MYO9A: variants seen among roughly 807,000 people sequenced by gnomAD.
The protein encoded by MYO9A is myosin IXA.
A neutral mutation model predicts 293.3 loss-of-function variants in MYO9A; 103 were observed. The ratio of observed to expected loss-of-function variants is 0.35; its 90% confidence interval spans 0.30 to 0.41. The LOEUF (loss-of-function observed/expected upper bound fraction) is 0.41. Among genes scored for constraint, MYO9A ranks in the 10% least tolerant of loss-of-function variants. The pLI, the probability that MYO9A is intolerant of heterozygous loss-of-function variation, is 1.00. For missense variants in MYO9A, 2,685 were observed against 3,033.0 expected (o/e 0.89, Z 2.69); for synonymous variants, 1,001 against 1,035.7 (o/e 0.97, Z 0.64).
At chr15:71,879,138 A>C (rs1452385531) in intron 30 of MYO9A, among the ~76,000 whole-genome samples, 1 of 152,220 alleles carries the variant, frequency 6.6e-6, no homozygotes, top group Non-Finnish European at 1.5e-5. Context: ...AAAGCCAATA[A>C]AATATGAATT....
chr15:71,913,804 C>T (rs1278173253), intron 19 of MYO9A, among the ~76,000 whole-genome samples: 1 of 152,168 alleles, frequency 6.6e-6, no homozygotes, highest in African/African-American at 2.4e-5. Context: ...AGGGCCAGAG[C>T]AGCCTTTACA....
chr15:72,034,348 T>C (rs1254515031), intron 2 of MYO9A, among the ~76,000 whole-genome samples: 1 of 152,226 alleles, frequency 6.6e-6, no homozygotes, highest in Admixed American at 6.5e-5. Flanking sequence ...TTATTATGCA[T>C]GCATTTACAT....
chr15:71,879,294 T>C (rs918792089), intron 30 of MYO9A, among the ~76,000 whole-genome samples: 1 of 152,216 alleles, frequency 6.6e-6, no homozygotes, highest in African/African-American at 2.4e-5. Flanking sequence ...AACTGATATG[T>C]AGAAATCAGT....
chr15:71,851,984 T>C (rs1321551921), intron 36 of MYO9A, 148 bp downstream of exon 36: 2 of 915,696 alleles, frequency 2.2e-6, no homozygotes, highest in Non-Finnish European at 3.0e-6. Flanking sequence ...GGTGACAGTA[T>C]ACTAGCCGTT....
At chr15:71,920,929 G>A (rs1375406259) in intron 18 of MYO9A, among the ~76,000 whole-genome samples, 5 of 152,192 alleles carry the variant, frequency 3.3e-5, no homozygotes, top group African/African-American at 7.2e-5. Context: ...GTGACAGAGT[G>A]AGACTTTGTC....
intron 7 of MYO9A, among the ~76,000 whole-genome samples, chr15:72,008,552 C>T (rs971853441): frequency 4.0e-5 from 6 of 150,658 alleles, no homozygotes; most frequent in Non-Finnish European, 7.4e-5. Flanking sequence ...TTAACCTCTA[C>T]TGTGAAACAA....
chr15:72,000,052 A>G (rs945443538), intron 8 of MYO9A, 112 bp from the exon 9 acceptor site: 1 of 762,246 alleles, frequency 1.3e-6, no homozygotes, highest in Non-Finnish European at 2.0e-6. Context: ...GCAATTACAT[A>G]GCAGAGAAAA....
chr15:71,902,694 G>A (rs1361605479), intron 22 of MYO9A, among the ~76,000 whole-genome samples: 1 of 152,138 alleles, frequency 6.6e-6, no homozygotes, highest in Non-Finnish European at 1.5e-5. Context: ...AAGCTGGCTT[G>A]GAGATTACAG....
intron 18 of MYO9A, among the ~76,000 whole-genome samples, chr15:71,924,598 A>G (rs974727068): frequency 1.2e-4 from 19 of 152,136 alleles, no homozygotes; most frequent in Admixed American, 7.9e-4. Flanking sequence ...AACACATGAC[A>G]TATCTTAAAG....
chr15:72,077,328 AAAGAC>A (rs1470990029), intron 1 of MYO9A, among the ~76,000 whole-genome samples: 1 of 152,238 alleles, frequency 6.6e-6, no homozygotes, highest in Non-Finnish European at 1.5e-5. Flanking sequence ...AAGAGAATGA[AAAGAC>A]AAGCCACAGA....
chr15:71,899,178 T>C (rs2143271145), intron 24 of MYO9A, 146 bp from the exon 25 acceptor site: 2 of 721,904 alleles, frequency 2.8e-6, no homozygotes, highest in Non-Finnish European at 4.4e-6. Context: ...TGAATGCACA[T>C]TTCATAATTT....
At chr15:71,933,608 G>T in intron 18 of MYO9A, 62 bp downstream of exon 18, 3 of 1,389,270 alleles carry the variant, frequency 2.2e-6, no homozygotes, top group Middle Eastern at 1.8e-4. Flanking sequence ...AAGATTGTAT[G>T]AGTAATAAAA....
intron 32 of MYO9A, among the ~76,000 whole-genome samples, chr15:71,871,886 G>C (rs1404454185): frequency 1.3e-5 from 2 of 151,558 alleles, no homozygotes; most frequent in Non-Finnish European, 2.9e-5. Flanking sequence ...AGGAATGTAT[G>C]TGTAATACAT....
At chr15:72,001,479 G>A (rs534832573) in intron 8 of MYO9A, among the ~76,000 whole-genome samples, 19 of 149,794 alleles carry the variant, frequency 1.3e-4, no homozygotes, top group East Asian at 7.9e-4. Flanking sequence ...ACTTGAAACC[G>A]GGAGGCAGAA....
At chr15:72,033,455 A>C (rs1348002671) in intron 2 of MYO9A, among the ~76,000 whole-genome samples, 1 of 152,228 alleles carries the variant, frequency 6.6e-6, no homozygotes, top group African/African-American at 2.4e-5. Context: ...CGTCACCCAA[A>C]GTATGTACCT....
chr15:71,899,013 G>T lies in MYO9A; in HGVS notation c.3490C>A (p.Gln1164Lys), dbSNP rs766514031. The T allele has an allele frequency of 1.1e-5, 18 of 1,607,334 alleles. No homozygotes were observed. The South Asian group carries it at 1.8e-4, about 16-fold the overall frequency. Residue 1164 changes from glutamine (Q) to lysine (K), a missense_variant, in exon 25 of 42, where the codon CAA becomes AAA. Gln to Lys is a moderately conservative substitution (Grantham distance 53). Around this residue, in one of 10 missense-constraint regions of MYO9A, gnomAD observed 1,434 missense variants for 1,497.7 expected, o/e 0.96. Transcript: ENST00000356056. Reference protein sequence around the residue: ...ARQRFKALKEQRLRETKPEVG... With the variant: ...ARQRFKALKEKRLRETKPEVG... Reference sequence around the variant, plus strand: ...TCTGGCTTTGTTTCTCTTAGCCTTTGTTCTTTTAAAGCTTTAAATCTATAT... The same window carrying T: ...TCTGGCTTTGTTTCTCTTAGCCTTTTTTCTTTTAAAGCTTTAAATCTATAT...
At chr15:72,049,591 G>A (rs920585964) in intron 1 of MYO9A, among the ~76,000 whole-genome samples, 1 of 152,208 alleles carries the variant, frequency 6.6e-6, no homozygotes, top group Non-Finnish European at 1.5e-5. Flanking sequence ...AGCAGAAGAT[G>A]AGCAGCAGGC....
At chr15:71,830,458 G>A (rs1032057881) in intron 39 of MYO9A, 147 bp from the exon 40 acceptor site, 13 of 766,996 alleles carry the variant, frequency 1.7e-5, no homozygotes, top group Non-Finnish European at 2.8e-5. Context: ...GATATTTAGT[G>A]AGACATATTC....
chr15:71,935,401 T>A lies in MYO9A; in HGVS notation c.2462A>T (p.Asp821Val). 6.2e-7 allele frequency: 1 copy of A among 1,613,744 alleles called. No homozygotes were observed. Among genetic ancestry groups the A allele is most frequent in the Non-Finnish European group, 8.5e-7 (1 of 1,179,742 alleles). The change falls in exon 17 of 42, where the codon GAT (aspartate) becomes GTT (valine). Residue 821 changes from aspartate (D) to valine (V), a missense_variant. Coordinates refer to ENST00000356056, the MANE Select transcript of MYO9A (RefSeq NM_006901.4). Reference sequence around the variant, plus strand: ...GCTAGTTGAATTAGCAAATATTCCATCTTTATCAAGCAAGGAGGTGCCACT... The same window carrying A: ...GCTAGTTGAATTAGCAAATATTCCAACTTTATCAAGCAAGGAGGTGCCACT... ...LSSGTSLLDK[D>V]GIFANSTSSK...
Sources: gnomAD v4.1 joint callset for allele counts (sites outside exome capture counted in the v4.1 genomes callset) on GRCh38, gnomAD v4.1.1 for gene constraint, gnomAD v4.1.1 regional missense constraint, MANE v1.5 for transcripts, NCBI Gene and HGNC (gene_info 2026-07-23, HGNC 2026-07-21) for gene names.